Variants in MBP observed in about 807,000 individuals in gnomAD.
The protein encoded by MBP is Golli-MBP.
A neutral mutation model predicts 35.8 loss-of-function variants in MBP; 16 were observed. That is an observed-to-expected ratio of 0.45 (90% CI 0.30 to 0.68). The LOEUF is 0.68. Among genes scored for constraint, MBP ranks in the 30% least tolerant of loss-of-function variants. MBP has a pLI of 0.08. For synonymous variants in MBP, 143 were observed against 159.6 expected (o/e 0.90, Z 0.78); for missense variants, 380 against 404.7 (o/e 0.94, Z 0.52).
At chr18:77,008,243 C>T (rs567472347) in intron 4 of MBP, among the ~76,000 whole-genome samples, 75 of 152,296 alleles carry the variant, frequency 4.9e-4, no homozygotes, top group African/African-American at 1.7e-3. Context: ...CTCTCCAGGG[C>T]GGGGCCGGCA....
intron 4 of MBP, among the ~76,000 whole-genome samples, chr18:76,992,342 G>C (rs992241925): frequency 5.3e-5 from 8 of 152,194 alleles, no homozygotes; most frequent in African/African-American, 1.9e-4. Flanking sequence ...CTCTCCTATA[G>C]GAATCTGGTG....
chr18:76,984,598 A>C, intron 8 of MBP, 177 bp downstream of exon 8: 1 of 766,676 alleles, frequency 1.3e-6, no homozygotes, highest in South Asian at 1.8e-5. Context: ...GAGGAAATCC[A>C]CGCGTAAATG....
chr18:77,090,194 C>T (rs1975445350), intron 2 of MBP, among the ~76,000 whole-genome samples: 1 of 152,168 alleles, frequency 6.6e-6, no homozygotes, highest in African/African-American at 2.4e-5. Flanking sequence ...ATGTCTAGCC[C>T]CCGTTGCCTG....
At chr18:77,032,099 C>T (rs1169854237) in intron 3 of MBP, among the ~76,000 whole-genome samples, 3 of 152,196 alleles carry the variant, frequency 2.0e-5, no homozygotes, top group Non-Finnish European at 2.9e-5. Flanking sequence ...GCCGGGGGCA[C>T]GCAGGGCCTC....
At chr18:77,121,707 G>A (rs1254278261) in intron 1 of MBP, among the ~76,000 whole-genome samples, 3 of 152,134 alleles carry the variant, frequency 2.0e-5, no homozygotes, top group Admixed American at 6.5e-5. Context: ...GTCCACAGAC[G>A]TGCTATGCCT....
chr18:77,094,371 G>T (rs571831200), intron 2 of MBP, among the ~76,000 whole-genome samples: 79 of 152,324 alleles, frequency 5.2e-4, no homozygotes, highest in Non-Finnish European at 8.2e-4. Context: ...AAGTCAGCAG[G>T]GTGGGCTTTG....
chr18:77,028,094 A>T (rs1274528448), intron 3 of MBP, among the ~76,000 whole-genome samples: 2 of 147,548 alleles, frequency 1.4e-5, no homozygotes, highest in African/African-American at 2.5e-5. Flanking sequence ...CAGATAAACA[A>T]GTGAACAAAG....
chr18:77,127,455 A>G (rs1185173696), intron 1 of MBP: 2 of 152,200 alleles, frequency 1.3e-5, no homozygotes, highest in African/African-American at 4.8e-5. Flanking sequence ...TGTAGGGAAA[A>G]AAGGAGAAAA....
At position 77,101,634 on chromosome 18, in the gene MBP, A is replaced by G. The variant is rs1976015620; in HGVS notation, c.51+3577T>C. On this transcript the variant is annotated intron_variant, in intron 2 of 8. Transcript: ENST00000355994. The surrounding 1 kb of genome is among the most constrained non-coding windows in gnomAD (Gnocchi z 4.3). Reference sequence around the variant, plus strand: ...GACCTGCACCCCATATGAGTGGACTAACACTGCAACTCCAGAAAAGTGTCT... The same window carrying G: ...GACCTGCACCCCATATGAGTGGACTGACACTGCAACTCCAGAAAAGTGTCT... Among the ~76,000 whole-genome samples, 2 of 152,210 alleles carry G rather than the reference A, an allele frequency of 1.3e-5. No homozygotes were observed. Among genetic ancestry groups the G allele is most frequent in the Non-Finnish European group, 2.9e-5 (2 of 68,036 alleles).
At chr18:76,990,867 C>A (rs191218266) in intron 4 of MBP, 124 of 289,564 alleles carry the variant, frequency 4.3e-4, no homozygotes, top group Non-Finnish European at 4.9e-4. Context: ...TTTGGGTGTG[C>A]GACTTGCTGG....
At position 77,118,753 on chromosome 18, in the gene MBP, A is replaced by G. The variant is rs540257387; in HGVS notation, c.-25-13467T>C. Among the ~76,000 whole-genome samples, 13 of 147,616 alleles carry G rather than the reference A, an allele frequency of 8.8e-5. No individual in the cohort carries two copies. In the East Asian group the frequency reaches 2.2e-3, roughly 25 times the overall value. On this transcript the variant is annotated intron_variant, in intron 1 of 8. Coordinates refer to ENST00000355994, the MANE Select transcript of MBP (RefSeq NM_001025101.2). ...CACACCCTTCACAGACACCACACAC[A>G]CACCACACACACACACTCCAGATGC... is the stretch of plus-strand genomic sequence containing the variant.
intron 1 of MBP, chr18:77,115,442 C>T (rs1976630318): frequency 6.6e-6 from 1 of 152,220 alleles, no homozygotes; most frequent in African/African-American, 2.4e-5. Flanking sequence ...CCCGAAAACA[C>T]AGGTTCCTAT....
At chr18:77,038,144 C>T (rs1186179703) in intron 3 of MBP, among the ~76,000 whole-genome samples, 1 of 152,126 alleles carries the variant, frequency 6.6e-6, no homozygotes, top group Non-Finnish European at 1.5e-5. Flanking sequence ...CACTGAAAGA[C>T]GAATCACATC....
chr18:77,127,953 T>C (rs563293016), intron 1 of MBP: 2 of 152,280 alleles, frequency 1.3e-5, no homozygotes, highest in South Asian at 4.1e-4. Flanking sequence ...CAAAATGGTG[T>C]AGCCATTCTG....
rs1482088635 is a variant in MBP at position 76,979,953 on chromosome 18, A to G, written c.*474T>C. The G allele has an allele frequency of 4.3e-6, 3 of 702,400 alleles. No homozygotes were observed. The highest frequency in any genetic ancestry group is 2.0e-5 in the Admixed American group (1 of 50,000). 43.5% of individuals were successfully genotyped at this position (702,400 alleles called of 1,614,324 possible). A position where few individuals can be genotyped will look rare whatever the true frequency, so the allele number is the denominator to read the frequency against. The stretch of plus-strand genomic sequence containing the variant: ...TGAAGTCTACTTTAGGAGGTGAGAG[A>G]AGGACAGGAAAAAAAAACAAAGGAA... On this transcript the variant is annotated 3_prime_UTR_variant, in exon 9 of 9. Coordinates refer to ENST00000355994, the MANE Select transcript of MBP (RefSeq NM_001025101.2).
intron 3 of MBP, among the ~76,000 whole-genome samples, chr18:77,025,775 C>T (rs1012380438): frequency 7.3e-6 from 1 of 137,512 alleles, no homozygotes; most frequent in Non-Finnish European, 1.5e-5. Flanking sequence ...GTGGAAATCA[C>T]ATCGCACAAG....
At chr18:77,118,721 T>C (rs1396195672) in intron 1 of MBP, among the ~76,000 whole-genome samples, 5 of 95,760 alleles carry the variant, frequency 5.2e-5, no homozygotes, top group Admixed American at 2.3e-4. Context: ...ACTATATGCA[T>C]ACCACACACA....
chr18:76,990,777 ATT>A (rs1050524883), intron 4 of MBP: 5 of 211,234 alleles, frequency 2.4e-5, no homozygotes, highest in African/African-American at 1.2e-4. Flanking sequence ...AGTGATCTGG[ATT>A]TTTTAAGGGC....
intron 1 of MBP, chr18:77,109,885 T>C (rs1976394360): frequency 6.6e-6 from 1 of 152,280 alleles, no homozygotes; most frequent in African/African-American, 2.4e-5. Context: ...GTGTTACTTT[T>C]AGACTTAGGA....
Sources: allele counts gnomAD v4.1 joint callset (sites outside exome capture counted in the v4.1 genomes callset), GRCh38; gene constraint gnomAD v4.1.1; non-coding constraint Gnocchi (gnomAD v3.1); transcripts MANE v1.5; gene names NCBI Gene and HGNC (gene_info 2026-07-23, HGNC 2026-07-21).